The following KATNIP variants were observed in gnomAD, a reference collection of about 807,000 sequenced individuals.
KATNIP encodes the protein katanin-interacting protein.
KATNIP carries 126 observed loss-of-function variants against 174.0 expected under a neutral mutation model. The ratio of observed to expected loss-of-function variants is 0.72; its 90% confidence interval spans 0.63 to 0.84. The LOEUF is 0.84. Ranked by LOEUF, KATNIP falls within the 40% of genes least tolerant of loss-of-function variation. KATNIP has a pLI of 0.00. For synonymous variants in KATNIP, 810 were observed against 835.7 expected (o/e 0.97, Z 0.53); for missense variants, 1,958 against 2,109.7 (o/e 0.93, Z 1.41).
intron 6 of KATNIP, among the ~76,000 whole-genome samples, chr16:27,651,049 A>C (rs1466555482): frequency 6.6e-6 from 1 of 152,142 alleles, no homozygotes; most frequent in East Asian, 1.9e-4. Flanking sequence ...CCAGATATGT[A>C]TGTGCCCTTC....
intron 14 of KATNIP, among the ~76,000 whole-genome samples, chr16:27,728,405 G>T (rs1443425976): frequency 6.6e-6 from 1 of 152,218 alleles, no homozygotes; most frequent in Non-Finnish European, 1.5e-5. Flanking sequence ...AGGGGAAGGA[G>T]AGGTGAACAG....
At chr16:27,640,510 C>T (rs1241102874) in intron 5 of KATNIP, among the ~76,000 whole-genome samples, 4 of 152,052 alleles carry the variant, frequency 2.6e-5, no homozygotes, top group Non-Finnish European at 4.4e-5. Context: ...GGGCTGGGGG[C>T]GGGAGAGCAG....
intron 5 of KATNIP, among the ~76,000 whole-genome samples, chr16:27,639,784 A>G (rs1425015439): frequency 3.9e-5 from 6 of 152,212 alleles, no homozygotes; most frequent in Non-Finnish European, 1.5e-5. Context: ...CAAATGAAAC[A>G]AGCCGTAAAG....
Position 27,614,450 on chromosome 16 carries a change from C to T in KATNIP, c.64-3975C>T, listed in dbSNP as rs549392962. ...TGCTGGGATTACAGGCGTCAGCCAC[C>T]GTGCCTGGCCACACCCTGCTATTTT... is the stretch of plus-strand genomic sequence containing the variant. On this transcript the variant is annotated intron_variant, in intron 2 of 27. Coordinates refer to ENST00000261588, the MANE Select transcript of KATNIP (RefSeq NM_015202.5). 2.0e-4 allele frequency among the ~76,000 whole-genome samples: 30 copies of T among 152,224 alleles called. No homozygotes were observed. In the South Asian group the frequency reaches 5.8e-3, roughly 29 times the overall value.
intron 12 of KATNIP, among the ~76,000 whole-genome samples, chr16:27,704,243 C>T (rs1028694855): frequency 6.6e-6 from 1 of 152,044 alleles, no homozygotes; most frequent in Admixed American, 6.6e-5. Flanking sequence ...ATATAAATAG[C>T]GTGGAAGCCC....
rs140776298 is a variant in KATNIP, at chr16:27,730,336, A to G, written c.1743+8641A>G. ...TATGAATTTTTTTGCTTTTTTTTTG[A>G]GAAACTAGAGGATCCCACATTTACA... On this transcript the variant is annotated intron_variant, in intron 14 of 27. Transcript: ENST00000261588. 1.1e-4 allele frequency among the ~76,000 whole-genome samples: 17 copies of G among 151,996 alleles called. No individual in the cohort carries two copies. In the East Asian group the frequency reaches 3.3e-3, roughly 29 times the overall value.
intron 1 of KATNIP, among the ~76,000 whole-genome samples, chr16:27,566,988 A>G (rs1020811807): frequency 1.6e-4 from 25 of 152,124 alleles, no homozygotes; most frequent in Admixed American, 3.3e-4. Flanking sequence ...CCAATAGCCT[A>G]TTGGCTTCAC....
At chr16:27,571,339 A>G (rs1178692431) in intron 1 of KATNIP, among the ~76,000 whole-genome samples, 1 of 152,018 alleles carries the variant, frequency 6.6e-6, no homozygotes, top group African/African-American at 2.4e-5. Flanking sequence ...GGCCACATTA[A>G]TGTTTTGTTT....
At chr16:27,762,980 A>G (rs2082003477) in intron 19 of KATNIP, among the ~76,000 whole-genome samples, 1 of 152,172 alleles carries the variant, frequency 6.6e-6, no homozygotes, top group Admixed American at 6.5e-5. Flanking sequence ...CCTCTAAACA[A>G]TAAGGGATTT....
At chr16:27,678,303 A>G (rs1232321696) in intron 7 of KATNIP, among the ~76,000 whole-genome samples, 3 of 152,178 alleles carry the variant, frequency 2.0e-5, no homozygotes, top group Admixed American at 1.3e-4. Flanking sequence ...CTAAGGGACT[A>G]TTTATTGACT....
chr16:27,579,709 G>T (rs374223730), intron 2 of KATNIP, among the ~76,000 whole-genome samples: 3 of 151,980 alleles, frequency 2.0e-5, no homozygotes, highest in African/African-American at 7.3e-5. Flanking sequence ...CCATGATAAC[G>T]GAAGGCCGTT....
At chr16:27,556,848 C>T (rs916950189) in intron 1 of KATNIP, among the ~76,000 whole-genome samples, 2 of 152,166 alleles carry the variant, frequency 1.3e-5, no homozygotes, top group African/African-American at 4.8e-5. Context: ...AATAAACATA[C>T]ATCCCATAGA....
intron 5 of KATNIP, among the ~76,000 whole-genome samples, chr16:27,633,358 T>C (rs2076546230): frequency 6.6e-6 from 1 of 151,596 alleles, no homozygotes; most frequent in Non-Finnish European, 1.5e-5. Flanking sequence ...ATTTTTTAAA[T>C]TACTGTAATT....
rs1813979473 is a variant in KATNIP at position 27,761,593 on chromosome 16, A to G, written c.3809+3A>G. On this transcript the variant is annotated splice_donor_region_variant and intron_variant, in intron 19 of 27. Coordinates refer to ENST00000261588, the MANE Select transcript of KATNIP (RefSeq NM_015202.5). ...GACGACTCCCGGGCCCTGGACAAGTAAGTGTCTATCAGAAGCTTTACTTTC... is the reference window on the plus strand; with the variant it reads ...GACGACTCCCGGGCCCTGGACAAGTGAGTGTCTATCAGAAGCTTTACTTTC... 7 of 1,611,524 alleles carry G rather than the reference A, an allele frequency of 4.3e-6. No individual in the cohort carries two copies. Among genetic ancestry groups the G allele is most frequent in the Non-Finnish European group, 5.9e-6 (7 of 1,177,962 alleles).
rs2076396789 is a variant in KATNIP, at chr16:27,628,586, T to C, written c.141-75T>C. The stretch of plus-strand genomic sequence containing the variant: ...GACGCTTCACTGTGGGAACAGCAGT[T>C]CACTCCTGGCTTGGGGGTACAGCAG... On this transcript the variant is annotated intron_variant, in intron 3 of 27. Transcript: ENST00000261588. 4 of 1,483,592 alleles carry C rather than the reference T, an allele frequency of 2.7e-6. No individual in the cohort carries two copies. The East Asian group carries it at 9.0e-5, about 34-fold the overall frequency. 91.9% of individuals were successfully genotyped at this position (1,483,592 alleles called of 1,614,324 possible). A position where few individuals can be genotyped will look rare whatever the true frequency, so the allele number is the denominator to read the frequency against.
At chr16:27,705,340 G>A (rs1294555445) in intron 12 of KATNIP, among the ~76,000 whole-genome samples, 1 of 152,120 alleles carries the variant, frequency 6.6e-6, no homozygotes, top group Non-Finnish European at 1.5e-5. Flanking sequence ...AGGACTTAAT[G>A]CAAAGTCCTC....
At chr16:27,774,267 G>A (rs973047823) in intron 23 of KATNIP, among the ~76,000 whole-genome samples, 3 of 152,136 alleles carry the variant, frequency 2.0e-5, no homozygotes, top group Non-Finnish European at 4.4e-5. Context: ...TGATGTTTTA[G>A]ATCATTATTA....
chr16:27,690,944 C>CTT (rs922082668), intron 8 of KATNIP, among the ~76,000 whole-genome samples: 1 of 150,974 alleles, frequency 6.6e-6, no homozygotes. Flanking sequence ...GGTGGATTTC[C>CTT]TTTTTTTTTG....
intron 2 of KATNIP, among the ~76,000 whole-genome samples, chr16:27,577,198 C>T (rs1467411834): frequency 2.6e-5 from 4 of 152,064 alleles, no homozygotes; most frequent in Admixed American, 2.6e-4. Flanking sequence ...TGGTTAAATC[C>T]ACATTTAAAC....
Sources: gnomAD v4.1 joint callset for allele counts (sites outside exome capture counted in the v4.1 genomes callset) on GRCh38, gnomAD v4.1.1 for gene constraint, MANE v1.5 for transcripts, NCBI Gene and HGNC (gene_info 2026-07-23, HGNC 2026-07-21) for gene names.